Variants in HTR1F observed in about 807,000 individuals in gnomAD.
HTR1F encodes the protein 5-hydroxytryptamine receptor 1F, also known as 5-hydroxytryptamine (serotonin) receptor 1F, G protein-coupled.
A neutral mutation model predicts 24.0 loss-of-function variants in HTR1F; 17 were observed. That is an observed-to-expected ratio of 0.71 (90% confidence interval 0.48 to 1.06). The LOEUF is 1.06. Ranked by LOEUF, HTR1F falls within the 50% of genes least tolerant of loss-of-function variation. The pLI is 0.00. For missense variants in HTR1F, 391 were observed against 427.8 expected (o/e 0.91, Z 0.76); for synonymous variants, 186 against 156.8 (o/e 1.19, Z -1.39).
intron 2 of HTR1F, among the ~76,000 whole-genome samples, chr3:87,987,989 A>G (rs1214659743): frequency 1.3e-5 from 2 of 151,572 alleles, no homozygotes; most frequent in African/African-American, 4.8e-5. Context: ...AAACTCATAG[A>G]TGTGGCAGCA....
intron 1 of HTR1F, among the ~76,000 whole-genome samples, chr3:87,812,308 T>C (rs1704174486): frequency 6.6e-6 from 1 of 152,142 alleles, no homozygotes. Context: ...AACATGCTGA[T>C]AGTGATATGG....
chr3:87,905,848 C>T (rs1703656523), intron 2 of HTR1F, among the ~76,000 whole-genome samples: 1 of 151,874 alleles, frequency 6.6e-6, no homozygotes, highest in South Asian at 2.1e-4. Context: ...AATGTGGTGC[C>T]TATGAATGAG....
At chr3:87,898,177 C>A (rs1402791628) in intron 2 of HTR1F, among the ~76,000 whole-genome samples, 6 of 152,076 alleles carry the variant, frequency 3.9e-5, no homozygotes, top group Admixed American at 3.3e-4. Flanking sequence ...AAAATAATAA[C>A]CCAGATTACA....
At chr3:87,906,283 G>A (rs1397376760) in intron 2 of HTR1F, among the ~76,000 whole-genome samples, 3 of 151,920 alleles carry the variant, frequency 2.0e-5, no homozygotes, top group Non-Finnish European at 4.4e-5. Flanking sequence ...TATCTGTATT[G>A]ATACCAAACT....
chr3:87,922,180 T>A (rs1400654237), intron 2 of HTR1F, among the ~76,000 whole-genome samples: 1 of 151,848 alleles, frequency 6.6e-6, no homozygotes, highest in Non-Finnish European at 1.5e-5. Flanking sequence ...TCCATCCTAC[T>A]TAGAATCTGT....
intron 2 of HTR1F, among the ~76,000 whole-genome samples, chr3:87,894,464 G>A (rs1575998429): frequency 1.3e-5 from 2 of 151,452 alleles, no homozygotes; most frequent in South Asian, 4.2e-4. Flanking sequence ...CACTATATTA[G>A]CCAGGCTGGC....
intron 2 of HTR1F, among the ~76,000 whole-genome samples, chr3:87,878,056 G>T (rs1388574996): frequency 6.6e-6 from 1 of 152,170 alleles, no homozygotes; most frequent in East Asian, 1.9e-4. Context: ...GAAAAAGGGA[G>T]AATGGACGGG....
In HTR1F at chr3:87,992,226, T is replaced by A. The variant is rs1048569303; in HGVS notation, c.*376T>A. The A allele has an allele frequency of 5.9e-6, 1 of 168,218 alleles. No individual in the cohort carries two copies. The highest frequency in any genetic ancestry group is 1.4e-5 in the Non-Finnish European group (1 of 68,978). 10.4% of individuals were successfully genotyped at this position (168,218 alleles called of 1,614,324 possible). On this transcript the variant is annotated 3_prime_UTR_variant, in exon 3 of 3. Transcript: ENST00000319595. Reference sequence around the variant, plus strand: ...CATACCTCCCTCCATAATTTCTATCTAGTCCTACTGTTTTATAATATAATT... The same window carrying A: ...CATACCTCCCTCCATAATTTCTATCAAGTCCTACTGTTTTATAATATAATT...
intron 2 of HTR1F, among the ~76,000 whole-genome samples, chr3:87,945,665 G>C (rs551302873): frequency 2.1e-4 from 32 of 152,150 alleles, no homozygotes; most frequent in Non-Finnish European, 1.5e-5. Context: ...CAGAAGGGCT[G>C]GGGGTTGTTG....
rs1704788955 is a variant in HTR1F at position 87,840,922 on chromosome 3, G to A, written c.-43+18798G>A. Among the ~76,000 whole-genome samples, 5 of 151,994 alleles carry A rather than the reference G, an allele frequency of 3.3e-5. No individual in the cohort carries two copies. The South Asian group carries it at 1.0e-3, about 32-fold the overall frequency. On this transcript the variant is annotated intron_variant, in intron 2 of 2. Coordinates refer to ENST00000319595, the MANE Select transcript of HTR1F (RefSeq NM_001322209.2). Reference sequence around the variant, plus strand: ...GAAAATAGAAAGACAGTTACCAGTGGCTCTGAAGAGAGTGTGGACGGGAAA... The same window carrying A: ...GAAAATAGAAAGACAGTTACCAGTGACTCTGAAGAGAGTGTGGACGGGAAA...
At chr3:87,971,052 A>G (rs191803111) in intron 2 of HTR1F, among the ~76,000 whole-genome samples, 8 of 152,286 alleles carry the variant, frequency 5.3e-5, no homozygotes, top group Non-Finnish European at 1.0e-4. Context: ...CTTCCATCCA[A>G]AGAGAAAATA....
At chr3:87,862,161 C>A (rs1705332571) in intron 2 of HTR1F, among the ~76,000 whole-genome samples, 1 of 152,112 alleles carries the variant, frequency 6.6e-6, no homozygotes, top group Non-Finnish European at 1.5e-5. Flanking sequence ...GAATAATGTT[C>A]TTTTGCATTT....
chr3:87,879,048 C>G (rs76954195), intron 2 of HTR1F, among the ~76,000 whole-genome samples: 3,388 of 152,196 alleles, frequency 0.022, 62 homozygotes, highest in South Asian at 0.032. Flanking sequence ...AGTATTTGCA[C>G]AGTAATCATA....
At chr3:87,960,068 T>C (rs1211320884) in intron 2 of HTR1F, among the ~76,000 whole-genome samples, 1 of 151,958 alleles carries the variant, frequency 6.6e-6, no homozygotes, top group African/African-American at 2.4e-5. Flanking sequence ...TCAGCCTAGC[T>C]ACACATTAAA....
intron 1 of HTR1F, among the ~76,000 whole-genome samples, 121 bp downstream of exon 1, chr3:87,792,963 G>A (rs1398553535): frequency 6.6e-6 from 1 of 152,258 alleles, no homozygotes; most frequent in African/African-American, 2.4e-5. Flanking sequence ...GCTCTCGGCG[G>A]AAACGCTGGG....
chr3:87,948,601 C>A (rs1295155649), intron 2 of HTR1F, among the ~76,000 whole-genome samples: 1 of 151,958 alleles, frequency 6.6e-6, no homozygotes, highest in Non-Finnish European at 1.5e-5. Flanking sequence ...CCTGCCTCAT[C>A]AGTCTCCCAA....
chr3:87,976,737 T>C (rs539383425), intron 2 of HTR1F, among the ~76,000 whole-genome samples: 4 of 152,352 alleles, frequency 2.6e-5, no homozygotes, highest in East Asian at 1.9e-4. Context: ...TAGCTAACTT[T>C]ACAAACAAAA....
chr3:87,944,235 A>C (rs1403794419), intron 2 of HTR1F, among the ~76,000 whole-genome samples: 1 of 152,178 alleles, frequency 6.6e-6, no homozygotes, highest in Non-Finnish European at 1.5e-5. Context: ...AGAGTATTTC[A>C]TAACCCAGCT....
intron 2 of HTR1F, among the ~76,000 whole-genome samples, chr3:87,977,521 C>T (rs1294611247): frequency 6.6e-6 from 1 of 151,382 alleles, no homozygotes; most frequent in Non-Finnish European, 1.5e-5. Context: ...GCCTCAGCCT[C>T]CTGAGTAGCT....
Sources: allele counts gnomAD v4.1 joint callset (sites outside exome capture counted in the v4.1 genomes callset), GRCh38; gene constraint gnomAD v4.1.1; transcripts MANE v1.5; gene names NCBI Gene and HGNC (gene_info 2026-07-23, HGNC 2026-07-21).